LPIN2: variants seen among roughly 807,000 people sequenced by gnomAD.
The protein encoded by LPIN2 is phosphatidate phosphatase LPIN2.
In LPIN2, 55 loss-of-function variants were observed where a neutral mutation model predicts 111.4. The observed-to-expected ratio is 0.49, with a 90% CI of 0.40 to 0.62. LPIN2 has a LOEUF of 0.62. LPIN2 is among the 20% of genes least tolerant of loss of function. The pLI is 0.00. For synonymous variants in LPIN2, 425 were observed against 414.0 expected, an observed-to-expected ratio of 1.03 and a Z score of -0.32; for missense variants, 992 against 1,112.1, an observed-to-expected ratio of 0.89 and a Z score of 1.54.
intron 12 of LPIN2, among the ~76,000 whole-genome samples, 154 bp from the exon 13 acceptor site, chr18:2,926,959 G>T (rs778614315): frequency 6.6e-6 from 1 of 152,214 alleles, no homozygotes; most frequent in Non-Finnish European, 1.5e-5. Context: ...CTGAGCCAAA[G>T]AATTAGAAAC....
chr18:2,947,822 C>A (rs1407341523), intron 4 of LPIN2, among the ~76,000 whole-genome samples: 2 of 152,164 alleles, frequency 1.3e-5, no homozygotes, highest in African/African-American at 2.4e-5. Context: ...ATTTCCTTTT[C>A]TTTTTCTCTT....
chr18:2,933,452 C>T (rs1656942562), intron 8 of LPIN2, among the ~76,000 whole-genome samples: 2 of 152,108 alleles, frequency 1.3e-5, no homozygotes, highest in African/African-American at 4.8e-5. Context: ...AGTTTTTTCA[C>T]CTTAAAAAAA....
intron 1 of LPIN2, among the ~76,000 whole-genome samples, chr18:3,005,796 C>G (rs1166798969): frequency 1.3e-5 from 2 of 152,046 alleles, no homozygotes; most frequent in East Asian, 3.9e-4. Flanking sequence ...GAGGTAGAAA[C>G]GGGAAGACTG....
intron 16 of LPIN2, 72 bp downstream of exon 16, chr18:2,923,703 C>A (rs2077089709): frequency 2.4e-6 from 3 of 1,244,880 alleles, no homozygotes; most frequent in South Asian, 2.4e-5. Flanking sequence ...TGAAGACTTA[C>A]ACCATTGTTC....
intron 1 of LPIN2, among the ~76,000 whole-genome samples, chr18:2,988,385 G>T (rs1327150890): frequency 6.6e-6 from 1 of 152,122 alleles, no homozygotes; most frequent in African/African-American, 2.4e-5. Flanking sequence ...GTGTTATGAA[G>T]AATTTTATTT....
intron 1 of LPIN2, among the ~76,000 whole-genome samples, chr18:2,994,968 A>C (rs895704093): frequency 6.6e-6 from 1 of 152,074 alleles, no homozygotes; most frequent in Non-Finnish European, 1.5e-5. Flanking sequence ...GGAGTTTTAT[A>C]CCACAGCTCT....
Position 2,922,203 on chromosome 18 carries a change from A to G in LPIN2, c.2175-4T>C, listed in dbSNP as rs771059522. On this transcript the variant is annotated splice_polypyrimidine_tract_variant and splice_region_variant and intron_variant, in intron 16 of 19. Transcript: ENST00000677752. Reference sequence around the variant, plus strand: ...GTACAGAAACTTGTAGCCATTCCTGAAAGAAAACACACCCTGTTAGCCCAC... The same window carrying G: ...GTACAGAAACTTGTAGCCATTCCTGGAAGAAAACACACCCTGTTAGCCCAC... 15 of 1,614,112 alleles carry G rather than the reference A, an allele frequency of 9.3e-6. No homozygotes were observed. Among genetic ancestry groups the G allele is most frequent in the Non-Finnish European group, 1.3e-5 (15 of 1,179,970 alleles).
At chr18:2,960,286 A>G (rs578210191) in intron 2 of LPIN2, among the ~76,000 whole-genome samples, 1 of 151,936 alleles carries the variant, frequency 6.6e-6, no homozygotes, top group Admixed American at 6.6e-5. Flanking sequence ...ATTTAAAAAT[A>G]CTATATAAGG....
At chr18:2,964,005 G>A (rs1024728747) in intron 1 of LPIN2, among the ~76,000 whole-genome samples, 25 of 151,988 alleles carry the variant, frequency 1.6e-4, no homozygotes, top group Admixed American at 7.2e-4. Context: ...ATTAAGGCTG[G>A]GTGTAGTGGC....
intron 4 of LPIN2, among the ~76,000 whole-genome samples, chr18:2,947,428 C>T (rs1030223849): frequency 6.6e-6 from 1 of 152,132 alleles, no homozygotes; most frequent in Non-Finnish European, 1.5e-5. Flanking sequence ...AAGCCCAACG[C>T]CCATCTTTAG....
At chr18:2,922,008 C>T (rs774786686) in intron 17 of LPIN2, 39 bp downstream of exon 17, 48 of 1,598,014 alleles carry the variant, frequency 3.0e-5, no homozygotes, top group Non-Finnish European at 3.8e-5. Context: ...CGCCCACATG[C>T]TGGGGCGGTG....
At chr18:2,963,498 C>T (rs998802504) in intron 1 of LPIN2, among the ~76,000 whole-genome samples, 3 of 151,874 alleles carry the variant, frequency 2.0e-5, no homozygotes, top group African/African-American at 7.3e-5. Flanking sequence ...AGCAAAATAA[C>T]ACACTATAAA....
chr18:3,005,969 G>A (rs1453043408), intron 1 of LPIN2, among the ~76,000 whole-genome samples: 1 of 152,198 alleles, frequency 6.6e-6, no homozygotes, highest in Admixed American at 6.5e-5. Flanking sequence ...CTTGGGCAGT[G>A]GGGCAGCATA....
Position 2,925,165 on chromosome 18 carries a change from C to G in LPIN2, c.1938+59G>C. The G allele has an allele frequency of 6.2e-7, 1 of 1,602,088 alleles. No homozygotes were observed. Among genetic ancestry groups the G allele is most frequent in the Non-Finnish European group, 8.5e-7 (1 of 1,169,698 alleles). ...CGTGTGGACAGAAGAGGATGTGCAT[C>G]AAATTAAACCATTACTAAAATAAGT... is the stretch of plus-strand genomic sequence containing the variant. On this transcript the variant is annotated intron_variant, in intron 14 of 19. Coordinates refer to ENST00000677752, the MANE Select transcript of LPIN2 (RefSeq NM_001375808.2). The surrounding 1 kb of genome is among the most constrained non-coding windows in gnomAD (Gnocchi z 4.1).
rs1439916696 is a variant in LPIN2 at position 2,919,865 on chromosome 18, A to G, written c.*428T>C. Reference sequence around the variant, plus strand: ...TCACTGACTGGGCCCGCAGCAGTTCAGGGACCCTGACATCTGAAGACAGCC... The same window carrying G: ...TCACTGACTGGGCCCGCAGCAGTTCGGGGACCCTGACATCTGAAGACAGCC... On this transcript the variant is annotated 3_prime_UTR_variant, in exon 20 of 20. Transcript: ENST00000677752. 7.6e-6 allele frequency: 2 copies of G among 263,802 alleles called. No homozygotes were observed. Among genetic ancestry groups the G allele is most frequent in the Non-Finnish European group, 1.5e-5 (2 of 132,386 alleles). The allele number at this position is 263,802 out of a possible 1,614,324, so 16.3% of individuals were successfully genotyped here.
chr18:2,950,551 G>A (rs865790765), intron 4 of LPIN2: 7 of 161,512 alleles, frequency 4.3e-5, no homozygotes, highest in East Asian at 1.8e-4. Flanking sequence ...AACCCCAAGC[G>A]GTGCTGACAT....
chr18:2,960,625 T>C (rs1338872834), intron 2 of LPIN2, 24 bp downstream of exon 2: 2 of 1,611,554 alleles, frequency 1.2e-6, no homozygotes, highest in South Asian at 2.2e-5. Context: ...CAGGATGACT[T>C]TTCCTCTCCT....
chr18:2,931,380 T>C lies in LPIN2; in HGVS notation c.1332A>G (p.Pro444=), dbSNP rs1297660489. 5.6e-6 allele frequency: 9 copies of C among 1,611,908 alleles called. No homozygotes were observed. The highest frequency in any genetic ancestry group is 1.6e-4 in the Middle Eastern group (1 of 6,082). Residue 444 remains proline (P), a synonymous_variant, in exon 9 of 20, where the codon CCA becomes CCG. Coordinates refer to ENST00000677752, the MANE Select transcript of LPIN2 (RefSeq NM_001375808.2). ...CTGCAGCTGCGCTTCCCACGGACTG[T>C]GGGGACTGGGAGCCAGAGAGTGTGT... ...ESDTLSGSQS[P]QSVGSAAADS...
chr18:2,945,985 T>G lies in LPIN2; in HGVS notation c.590+5070A>C, dbSNP rs548142030. ...ACAGCTCCAGTATTTCGTCCCCTCA[T>G]GGAAAATAGGTACTCCAGAATGATA... On this transcript the variant is annotated intron_variant, in intron 4 of 19. Coordinates refer to ENST00000677752, the MANE Select transcript of LPIN2 (RefSeq NM_001375808.2). 9.3e-6 allele frequency: 13 copies of G among 1,401,960 alleles called. No homozygotes were observed. In the East Asian group the frequency reaches 2.1e-4, roughly 22 times the overall value. 86.8% of individuals were successfully genotyped at this position (1,401,960 alleles called of 1,614,324 possible).
Sources: allele counts gnomAD v4.1 joint callset (sites outside exome capture counted in the v4.1 genomes callset), GRCh38; gene constraint gnomAD v4.1.1; non-coding constraint Gnocchi (gnomAD v3.1); transcripts MANE v1.5; gene names NCBI Gene and HGNC (gene_info 2026-07-23, HGNC 2026-07-21).